The following PDIA4 variants were observed in gnomAD, a reference collection of about 807,000 sequenced individuals.
PDIA4 encodes the protein protein disulfide-isomerase A4.
A neutral mutation model predicts 62.1 loss-of-function variants in PDIA4; 33 were observed. The observed-to-expected ratio is 0.53, with a 90% CI of 0.40 to 0.71. The LOEUF (loss-of-function observed/expected upper bound fraction) is 0.71, where lower values mean the gene tolerates loss of function less well. Ranked by LOEUF, PDIA4 falls within the 30% of genes least tolerant of loss-of-function variation. The pLI is 0.00. For synonymous variants in PDIA4, 341 were observed against 324.1 expected (o/e 1.05, Z -0.56); for missense variants, 804 against 813.6 (o/e 0.99, Z 0.14).
intron 1 of PDIA4, among the ~76,000 whole-genome samples, chr7:149,023,200 C>T (rs1479692182): frequency 1.3e-5 from 2 of 152,176 alleles, no homozygotes; most frequent in African/African-American, 2.4e-5. Context: ...ACAGTACAGG[C>T]AGGGGCCAGG....
intron 4 of PDIA4, among the ~76,000 whole-genome samples, chr7:149,013,510 C>A (rs565161237): frequency 6.6e-5 from 10 of 152,166 alleles, no homozygotes; most frequent in Non-Finnish European, 1.0e-4. Flanking sequence ...GACCTCATCT[C>A]TAAAAATATT....
chr7:149,019,999 C>T (rs1312482164), intron 2 of PDIA4, among the ~76,000 whole-genome samples: 1 of 152,154 alleles, frequency 6.6e-6, no homozygotes, highest in African/African-American at 2.4e-5. Flanking sequence ...CTTGCTCTGT[C>T]GCCCAGGCTG....
intron 8 of PDIA4, 22 bp downstream of exon 8, chr7:149,005,867 CCCCCGCAG>C: frequency 1.0e-6 from 1 of 955,946 alleles, no homozygotes; most frequent in South Asian, 2.2e-5. Flanking sequence ...CCACCCCCCA[CCCCCGCAG>C]GTCTTGGTGG....
chr7:149,027,813 A>G, intron 1 of PDIA4: 2 of 470,396 alleles, frequency 4.3e-6, no homozygotes. Flanking sequence ...CCCTTTCTCC[A>G]GAATCTATGG....
At chr7:149,026,135 A>G (rs1445865811) in intron 1 of PDIA4, among the ~76,000 whole-genome samples, 3 of 152,088 alleles carry the variant, frequency 2.0e-5, no homozygotes, top group African/African-American at 7.2e-5. Flanking sequence ...GGGGTGAGGT[A>G]GTGCAGACTT....
chr7:149,007,511 T>C (rs746242601), intron 7 of PDIA4, among the ~76,000 whole-genome samples: 3 of 151,808 alleles, frequency 2.0e-5, no homozygotes, highest in Non-Finnish European at 4.4e-5. Flanking sequence ...ACTCGACATC[T>C]AAGATCCTTC....
chr7:149,003,278 G>A lies in PDIA4; in HGVS notation c.*516C>T, dbSNP rs566243943. On this transcript the variant is annotated 3_prime_UTR_variant, in exon 10 of 10. Coordinates refer to ENST00000652332, the MANE Select transcript of PDIA4 (RefSeq NM_004911.5). ...TTGCCCCCAGCCCTTGGTTTGCAGG[G>A]AGGCCGCCTGGCGATGCCCAGCCTG... 6.5e-6 allele frequency: 1 copy of A among 154,042 alleles called. No individual in the cohort carries two copies. The highest frequency in any genetic ancestry group is 2.4e-5 in the African/African-American group (1 of 41,580). 9.5% of individuals were successfully genotyped at this position (154,042 alleles called of 1,614,324 possible). A position where few individuals can be genotyped will look rare whatever the true frequency, so the allele number is the denominator to read the frequency against.
chr7:149,020,803 C>T (rs1824318501), intron 2 of PDIA4, among the ~76,000 whole-genome samples, 164 bp downstream of exon 2: 1 of 152,162 alleles, frequency 6.6e-6, no homozygotes. Flanking sequence ...GTTCAACGCA[C>T]AGTGGTAGAA....
chr7:149,028,092 G>A (rs1259741762), intron 1 of PDIA4: 3 of 607,344 alleles, frequency 4.9e-6, no homozygotes, highest in South Asian at 3.7e-5. Context: ...GAGCCCAAGA[G>A]ACCCCGGCCA....
chr7:149,018,754 T>C (rs1485797564), intron 3 of PDIA4, among the ~76,000 whole-genome samples: 2 of 151,866 alleles, frequency 1.3e-5, no homozygotes, highest in Non-Finnish European at 2.9e-5. Context: ...CTCCTGCCCA[T>C]GTTTTGAGTT....
At chr7:149,012,426 GC>G (rs1823980506) in intron 4 of PDIA4, 66 bp from the exon 5 acceptor site, 17 of 1,402,096 alleles carry the variant, frequency 1.2e-5, no homozygotes, top group Non-Finnish European at 1.7e-5. Context: ...AGCTAAATGA[GC>G]TGCAGAAACC....
rs367839477 is a variant in PDIA4, at chr7:149,012,199, C to T, written c.776G>A (p.Arg259His). The T allele has an allele frequency of 2.7e-5, 43 of 1,613,950 alleles. No individual in the cohort carries two copies. The highest frequency in any genetic ancestry group is 2.1e-4 in the African/African-American group (16 of 74,864). The change falls in exon 5 of 10, where the codon CGC (arginine) becomes CAC (histidine). Residue 259 changes from arginine to histidine, a missense_variant. Coordinates refer to ENST00000652332, the MANE Select transcript of PDIA4 (RefSeq NM_004911.5). ...GTTGTAGTCATAAGGCCTTCCTTTG[C>T]GGAAAATTTTCAGGGTGGGATAGCC... ...VSGYPTLKIF[R>H]KGRPYDYNGP...
Position 149,028,456 on chromosome 7 carries a change from G to A in PDIA4, c.-48C>T, listed in dbSNP as rs1422929775. ...CTCCTAGCGTCGGCGGCCGCTGAGC[G>A]CACCGAGAACTCGGGGTCTGGCCGA... On this transcript the variant is annotated 5_prime_UTR_variant, in exon 1 of 10. Coordinates refer to ENST00000652332, the MANE Select transcript of PDIA4 (RefSeq NM_004911.5). 8 of 1,319,154 alleles carry A rather than the reference G, an allele frequency of 6.1e-6. No homozygotes were observed. In the East Asian group the frequency reaches 1.5e-4, roughly 25 times the overall value. 81.7% of individuals were successfully genotyped at this position (1,319,154 alleles called of 1,614,324 possible).
chr7:149,008,130 G>A (rs757952621), intron 7 of PDIA4, 29 bp downstream of exon 7: 1 of 1,607,480 alleles, frequency 6.2e-7, no homozygotes, highest in Non-Finnish European at 8.5e-7. Context: ...GGGGTGTCCA[G>A]GGCTGGCATG....
In PDIA4 at chr7:149,008,269, T is replaced by C. The variant is rs201984540; in HGVS notation, c.1021A>G (p.Ser341Gly). ...REDYKFHHTFSTEIAKFLKVS... is the reference protein window; with the variant it reads ...REDYKFHHTFGTEIAKFLKVS... ...TTCAAGAACTTTGCTATTTCTGTGC[T>C]GAAAGTGTGGTGAAATTTGTAATCT... The change falls in exon 7 of 10, where the codon AGC becomes GGC. Residue 341 changes from serine (S) to glycine (G), a missense_variant. Transcript: ENST00000652332. 3.3e-5 allele frequency: 54 copies of C among 1,614,028 alleles called. No homozygotes were observed. The highest frequency in any genetic ancestry group is 4.3e-5 in the Non-Finnish European group (51 of 1,179,936).
At position 149,008,146 on chromosome 7, in the gene PDIA4, G is replaced by A. The variant is rs1300689989; in HGVS notation, c.1131+13C>T. ...GGGTGTCCAGGGCTGGCATGGCAGA[G>A]GGGCCCGCTTACCTGGACGTCCATC... On this transcript the variant is annotated intron_variant, in intron 7 of 9. Transcript: ENST00000652332. 2 of 1,611,810 alleles carry A rather than the reference G, an allele frequency of 1.2e-6. No individual in the cohort carries two copies. The highest frequency in any genetic ancestry group is 1.1e-5 in the South Asian group (1 of 90,760).
intron 1 of PDIA4, among the ~76,000 whole-genome samples, chr7:149,021,510 AAC>A (rs1341559946): frequency 2.0e-5 from 3 of 151,134 alleles, no homozygotes; most frequent in Admixed American, 6.6e-5. Flanking sequence ...AAAAAAAAAA[AAC>A]TTTCCTAAAA....
intron 1 of PDIA4, among the ~76,000 whole-genome samples, chr7:149,026,800 GAAA>G (rs71529658): frequency 4.0e-4 from 50 of 125,528 alleles, no homozygotes; most frequent in South Asian, 1.8e-3. Context: ...CCTTATCTAG[GAAA>G]AAAAAAAAAA....
In PDIA4 at chr7:149,018,976, TCAGGTAC is replaced by T; in HGVS notation, c.475+9_475+15del. ...GGGAAGGAGTTCTTCCTCTACGAGCTCAGGTACCAGCTCACCTTCCTGGGTTCTGGAG... is the reference window on the plus strand; with the variant it reads ...GGGAAGGAGTTCTTCCTCTACGAGCTCAGCTCACCTTCCTGGGTTCTGGAG... On this transcript the variant is annotated intron_variant, in intron 3 of 9. Transcript: ENST00000652332. 6.3e-7 allele frequency: 1 copy of T among 1,591,280 alleles called. No homozygotes were observed. Among genetic ancestry groups the T allele is most frequent in the Non-Finnish European group, 8.6e-7 (1 of 1,160,028 alleles).
Sources: gnomAD v4.1 joint callset for allele counts (sites outside exome capture counted in the v4.1 genomes callset) on GRCh38, gnomAD v4.1.1 for gene constraint, MANE v1.5 for transcripts, NCBI Gene and HGNC (gene_info 2026-07-23, HGNC 2026-07-21) for gene names.